Variants in FBXO31 observed in about 807,000 individuals in gnomAD.
The protein encoded by FBXO31 is F-box only protein 31.
In FBXO31, 24 loss-of-function variants were observed where a neutral mutation model predicts 54.4. The ratio of observed to expected loss-of-function variants is 0.44; its 90% confidence interval spans 0.32 to 0.62. FBXO31 has a LOEUF of 0.62. Among genes scored for constraint, FBXO31 ranks in the 20% least tolerant of loss-of-function variants. FBXO31 has a pLI of 0.05. For synonymous variants in FBXO31, 388 were observed against 335.6 expected (o/e 1.16, Z -1.71); for missense variants, 665 against 787.1 (o/e 0.84, Z 1.86).
rs966028467 is a variant in FBXO31 at position 87,334,106 on chromosome 16, C to G, written c.1177G>C (p.Gly393Arg). The G allele has an allele frequency of 1.2e-6, 2 of 1,610,364 alleles. No individual in the cohort carries two copies. Among genetic ancestry groups the G allele is most frequent in the Non-Finnish European group, 1.7e-6 (2 of 1,178,538 alleles). ...EGGHEAGEGR[G>R]RQGPRESQPS... is the part of the protein sequence containing the mutation. ...TGGGACTCCCGGGGGCCCTGCCGGC[C>G]ACGACCCTCGCCCGCCTCGTGCCCG... is the stretch of plus-strand genomic sequence containing the variant. Residue 393 changes from glycine (G) to arginine (R), a missense_variant, in exon 8 of 9, where the codon GGC becomes CGC. Physicochemically the swap from Gly to Arg is moderately radical, Grantham distance 125. Coordinates refer to ENST00000311635, the MANE Select transcript of FBXO31 (RefSeq NM_024735.5).
chr16:87,344,735 C>A (rs1905305455), intron 3 of FBXO31, among the ~76,000 whole-genome samples: 1 of 152,186 alleles, frequency 6.6e-6, no homozygotes, highest in Non-Finnish European at 1.5e-5. Context: ...ACCCTGTGAG[C>A]TGCCGGGCTG....
Position 87,334,090 on chromosome 16 carries a change from CG to C in FBXO31, c.1192del (p.Arg398GlyfsTer34). ...CTGGGCAGGGCTTGGCTGGGACTCC[CG>C]GGGGCCCTGCCGGCCACGACCCTCG... is the stretch of plus-strand genomic sequence containing the variant. ...AGEGRGRQGP[R>X]ESQPSPAQPR... On this transcript the variant is annotated frameshift_variant, in exon 8 of 9. Coordinates refer to ENST00000311635, the MANE Select transcript of FBXO31 (RefSeq NM_024735.5). LOFTEE classifies it high-confidence loss of function. The C allele has an allele frequency of 1.9e-6, 3 of 1,610,138 alleles. No individual in the cohort carries two copies. The highest frequency in any genetic ancestry group is 1.7e-5 in the Admixed American group (1 of 59,830).
intron 1 of FBXO31, chr16:87,367,533 T>C (rs1906421001): frequency 6.6e-6 from 1 of 152,220 alleles, no homozygotes; most frequent in Admixed American, 6.5e-5. Flanking sequence ...TACTTTATCC[T>C]CTTCTTACAC....
intron 2 of FBXO31, among the ~76,000 whole-genome samples, chr16:87,350,590 G>C (rs1408597675): frequency 6.6e-6 from 1 of 152,218 alleles, no homozygotes; most frequent in African/African-American, 2.4e-5. Context: ...AGTGTGAAAT[G>C]CATCAGAAAA....
chr16:87,370,953 G>A (rs927254457), intron 1 of FBXO31, among the ~76,000 whole-genome samples: 1 of 152,176 alleles, frequency 6.6e-6, no homozygotes, highest in African/African-American at 2.4e-5. Context: ...CGGTGGCAGG[G>A]GGGACATGCC....
At chr16:87,386,515 C>T (rs1002765480), upstream of FBXO31, among the ~76,000 whole-genome samples, 2 of 152,228 alleles carry the variant, frequency 1.3e-5, no homozygotes, top group Admixed American at 1.3e-4. Flanking sequence ...TCACTGCAGC[C>T]CCCGCCTCCC....
intron 8 of FBXO31, among the ~76,000 whole-genome samples, chr16:87,332,609 A>G (rs1904899413): frequency 6.6e-6 from 1 of 150,760 alleles, no homozygotes; most frequent in African/African-American, 2.4e-5. Flanking sequence ...GAACATGAAG[A>G]AAGCCCCGCC....
intron 1 of FBXO31, among the ~76,000 whole-genome samples, chr16:87,373,450 T>A (rs1424452389): frequency 6.6e-6 from 1 of 151,578 alleles, no homozygotes; most frequent in Admixed American, 6.6e-5. Context: ...AGACGCTGTC[T>A]CAAAAAAAAT....
intron 3 of FBXO31, 26 bp downstream of exon 3, chr16:87,347,148 C>A: frequency 1.2e-6 from 2 of 1,609,196 alleles, no homozygotes; most frequent in East Asian, 2.2e-5. Context: ...CGTGCACAGA[C>A]CTCGTCGCGA....
chr16:87,363,727 G>A (rs1279788404), intron 1 of FBXO31, among the ~76,000 whole-genome samples: 2 of 152,202 alleles, frequency 1.3e-5, no homozygotes, highest in African/African-American at 4.8e-5. Flanking sequence ...GACTCTGTGA[G>A]AGTCTCCTGA....
chr16:87,378,196 G>A (rs1906914616), intron 1 of FBXO31, among the ~76,000 whole-genome samples: 1 of 150,402 alleles, frequency 6.6e-6, no homozygotes, highest in African/African-American at 2.4e-5. Context: ...AATCTATCCA[G>A]ATTACATAAA....
At position 87,331,261 on chromosome 16, in the gene FBXO31, G is replaced by A. The variant is rs369734094; in HGVS notation, c.*27C>T. ...AGAGTTCAGAGCCCCAGAGCCACCC[G>A]GGATGTGGCGGCAAGGATGTGGCCG... On this transcript the variant is annotated 3_prime_UTR_variant, in exon 9 of 9. Coordinates refer to ENST00000311635, the MANE Select transcript of FBXO31 (RefSeq NM_024735.5). 1.6e-5 allele frequency: 25 copies of A among 1,600,462 alleles called. No homozygotes were observed. Among genetic ancestry groups the A allele is most frequent in the South Asian group, 5.5e-5 (5 of 90,662 alleles).
chr16:87,383,740 G>A lies in FBXO31; in HGVS notation c.5C>T (p.Ala2Val), dbSNP rs1175458390. The A allele has an allele frequency of 3.3e-6, 4 of 1,214,172 alleles. No homozygotes were observed. The highest frequency in any genetic ancestry group is 4.1e-6 in the Non-Finnish European group (4 of 979,488). 75.2% of individuals were successfully genotyped at this position (1,214,172 alleles called of 1,614,324 possible). A position where few individuals can be genotyped will look rare whatever the true frequency, so the allele number is the denominator to read the frequency against. The change falls in exon 1 of 9, where the codon GCG (alanine) becomes GTG (valine). Residue 2 changes from alanine to valine, a missense_variant. Around this residue, in one of 4 missense-constraint regions of FBXO31, gnomAD observed 195 missense variants for 174.8 expected, o/e 1.12. Transcript: ENST00000311635. The surrounding 1 kb of genome is among the most constrained non-coding windows in gnomAD (Gnocchi z 4.9). The part of the protein sequence containing the change: M[A>V]VCARLCGVGP... ...CACGCCGCAAAGGCGAGCACACACC[G>A]CCATGCCGCCCAGTGACGGCCACTG...
At chr16:87,339,111 C>T (rs1414952686) in intron 5 of FBXO31, among the ~76,000 whole-genome samples, 1 of 152,166 alleles carries the variant, frequency 6.6e-6, no homozygotes, top group African/African-American at 2.4e-5. Flanking sequence ...TATAAATTAC[C>T]CAGTCTTGGG....
chr16:87,366,899 C>G (rs895244099), intron 1 of FBXO31, among the ~76,000 whole-genome samples: 1 of 152,212 alleles, frequency 6.6e-6, no homozygotes, highest in African/African-American at 2.4e-5. Flanking sequence ...AACAACAAGA[C>G]GGGCGCAAGG....
At chr16:87,384,250 C>T (rs1459082171), upstream of FBXO31, 2 of 152,274 alleles carry the variant, frequency 1.3e-5, no homozygotes, top group African/African-American at 4.8e-5. Flanking sequence ...GCAGCCAGAA[C>T]CCCAAAGGGC....
intron 5 of FBXO31, 104 bp downstream of exon 5, chr16:87,342,773 C>A: frequency 1.1e-6 from 1 of 900,008 alleles, no homozygotes. Flanking sequence ...AGCCACCATG[C>A]AGGTCGCATG....
At chr16:87,388,510 G>A (rs564488207), upstream of FBXO31, among the ~76,000 whole-genome samples, 2 of 152,360 alleles carry the variant, frequency 1.3e-5, no homozygotes, top group African/African-American at 4.8e-5. Flanking sequence ...TCAGAAAGAG[G>A]AGAGGAGGGA....
chr16:87,341,224 C>T (rs1905183090), intron 5 of FBXO31, among the ~76,000 whole-genome samples: 1 of 152,218 alleles, frequency 6.6e-6, no homozygotes, highest in East Asian at 1.9e-4. Context: ...TGAGCCCACA[C>T]ACAGAAGTAG....
Sources: allele counts gnomAD v4.1 joint callset (sites outside exome capture counted in the v4.1 genomes callset), GRCh38; gene constraint gnomAD v4.1.1; regional missense constraint gnomAD v4.1.1; non-coding constraint Gnocchi (gnomAD v3.1); transcripts MANE v1.5; gene names NCBI Gene and HGNC (gene_info 2026-07-23, HGNC 2026-07-21).